The following NEK7 variants were observed in gnomAD, a reference collection of about 807,000 sequenced individuals.
The protein encoded by NEK7 is NIMA related kinase 7.
In NEK7, 18 loss-of-function variants were observed where a neutral mutation model predicts 44.6. The ratio of observed to expected loss-of-function variants is 0.40; its 90% CI spans 0.28 to 0.60. NEK7 has a LOEUF of 0.60. Among genes scored for constraint, NEK7 ranks in the 20% least tolerant of loss-of-function variants. NEK7 has a pLI of 0.38. For missense variants in NEK7, 256 were observed against 366.5 expected, an observed-to-expected ratio of 0.70 and a Z score of 2.46; for synonymous variants, 130 against 121.1, an observed-to-expected ratio of 1.07 and a Z score of -0.48.
chr1:198,261,645 G>T (rs1358071801), intron 3 of NEK7, among the ~76,000 whole-genome samples: 2 of 151,646 alleles, frequency 1.3e-5, no homozygotes, highest in African/African-American at 4.8e-5. Flanking sequence ...TAATCAGCTT[G>T]CAGTACTGAC....
chr1:198,189,462 C>T (rs1199837279), intron 1 of NEK7, among the ~76,000 whole-genome samples: 1 of 152,098 alleles, frequency 6.6e-6, no homozygotes, highest in Non-Finnish European at 1.5e-5. Context: ...TCATAGTAGT[C>T]AGGCTAGTGT....
intron 2 of NEK7, among the ~76,000 whole-genome samples, chr1:198,241,029 C>T (rs1266069019): frequency 6.6e-6 from 1 of 152,226 alleles, no homozygotes; most frequent in South Asian, 2.1e-4. Flanking sequence ...CATGCTATCT[C>T]TGATTACCAT....
intron 1 of NEK7, among the ~76,000 whole-genome samples, chr1:198,211,044 T>G (rs2102818199): frequency 6.6e-6 from 1 of 152,328 alleles, no homozygotes; most frequent in Non-Finnish European, 1.5e-5. Flanking sequence ...ATTAGTGATA[T>G]TCAACATGCT....
At chr1:198,198,409 A>G (rs1665308917) in intron 1 of NEK7, among the ~76,000 whole-genome samples, 1 of 152,080 alleles carries the variant, frequency 6.6e-6, no homozygotes, top group Admixed American at 6.6e-5. Context: ...TGTGTATCCT[A>G]TGAGGTAGAA....
intron 9 of NEK7, among the ~76,000 whole-genome samples, chr1:198,312,363 A>C (rs1417323234): frequency 6.7e-6 from 1 of 150,226 alleles, no homozygotes. Flanking sequence ...CAGTCTATCA[A>C]TTTTGTTGAT....
chr1:198,237,606 T>C (rs554338628), intron 2 of NEK7, among the ~76,000 whole-genome samples: 1 of 152,334 alleles, frequency 6.6e-6, no homozygotes, highest in South Asian at 2.1e-4. Context: ...TCTTTTCTTC[T>C]CCACTGCTGC....
intron 5 of NEK7, among the ~76,000 whole-genome samples, chr1:198,266,978 C>A (rs1653674305): frequency 6.6e-6 from 1 of 152,056 alleles, no homozygotes; most frequent in Non-Finnish European, 1.5e-5. Context: ...GCACCCTCAC[C>A]TTCCCATAAC....
chr1:198,289,745 A>G (rs1654489948), intron 7 of NEK7, among the ~76,000 whole-genome samples: 1 of 152,178 alleles, frequency 6.6e-6, no homozygotes, highest in African/African-American at 2.4e-5. Flanking sequence ...AAAATTATCA[A>G]TTTAGTGATA....
chr1:198,187,890 AT>A (rs1324252731), intron 1 of NEK7, among the ~76,000 whole-genome samples: 1 of 152,182 alleles, frequency 6.6e-6, no homozygotes, highest in Non-Finnish European at 1.5e-5. Flanking sequence ...TGAAGGAGTA[AT>A]TTATTCTAAG....
intron 9 of NEK7, among the ~76,000 whole-genome samples, chr1:198,300,069 T>A (rs996172367): frequency 6.6e-6 from 1 of 152,216 alleles, no homozygotes; most frequent in African/African-American, 2.4e-5. Flanking sequence ...TATGGCTGAC[T>A]TAAATATATT....
intron 1 of NEK7, among the ~76,000 whole-genome samples, chr1:198,162,873 G>A (rs1664150390): frequency 1.3e-5 from 2 of 151,978 alleles, no homozygotes; most frequent in African/African-American, 4.8e-5. Context: ...AGAGGCTTGG[G>A]GGGTTATATT....
At chr1:198,244,825 C>A (rs72731908) in intron 2 of NEK7, among the ~76,000 whole-genome samples, 13,241 of 151,092 alleles carry the variant, frequency 0.088, 757 homozygotes, top group Non-Finnish European at 0.13. Context: ...AAAAAAAAAA[C>A]CCCCACTTTG....
chr1:198,301,407 G>A (rs571617032), intron 9 of NEK7, among the ~76,000 whole-genome samples: 19 of 152,236 alleles, frequency 1.2e-4, no homozygotes, highest in Non-Finnish European at 2.1e-4. Context: ...CAAATTAGCC[G>A]GGCGTGGTGG....
chr1:198,220,756 A>G (rs970729507), intron 1 of NEK7: 7 of 152,072 alleles, frequency 4.6e-5, no homozygotes, highest in African/African-American at 1.4e-4. Context: ...TCAAGTTTCC[A>G]TGATACCCTT....
intron 3 of NEK7, 49 bp from the exon 4 acceptor site, chr1:198,262,526 T>C: frequency 8.7e-7 from 1 of 1,150,768 alleles, no homozygotes; most frequent in South Asian, 1.3e-5. Flanking sequence ...CACAATAGCT[T>C]GAACCATAGG....
At chr1:198,215,124 G>A (rs1378634073) in intron 1 of NEK7, among the ~76,000 whole-genome samples, 1 of 151,934 alleles carries the variant, frequency 6.6e-6, no homozygotes, top group Non-Finnish European at 1.5e-5. Context: ...ACACACAAAT[G>A]CTGAAGGAAT....
chr1:198,251,083 G>A (rs139739163), intron 2 of NEK7, among the ~76,000 whole-genome samples: 1,966 of 151,722 alleles, frequency 0.013, 36 homozygotes, highest in African/African-American at 0.045. Flanking sequence ...AGAGTTTTTA[G>A]CATGAAGCGT....
At chr1:198,249,874 T>C (rs1479379105) in intron 2 of NEK7, among the ~76,000 whole-genome samples, 1 of 146,246 alleles carries the variant, frequency 6.8e-6, no homozygotes, top group Admixed American at 6.9e-5. Flanking sequence ...TGCTGTGCTC[T>C]TTAGTTTAAT....
intron 1 of NEK7, chr1:198,198,155 G>C (rs1665300817): frequency 2.5e-6 from 2 of 808,844 alleles, no homozygotes; most frequent in Admixed American, 3.9e-5. Flanking sequence ...ATATGGATTT[G>C]GTCCTGGCTG....
Sources: gnomAD v4.1 joint callset for allele counts (sites outside exome capture counted in the v4.1 genomes callset) on GRCh38, gnomAD v4.1.1 for gene constraint, MANE v1.5 for transcripts, NCBI Gene and HGNC (gene_info 2026-07-23, HGNC 2026-07-21) for gene names.